Variants in NEK5 observed in about 807,000 individuals in gnomAD.
NEK5 encodes NIMA related kinase 5.
A neutral mutation model predicts 109.2 loss-of-function variants in NEK5; 88 were observed. The ratio of observed to expected loss-of-function variants is 0.81; its 90% confidence interval spans 0.68 to 0.96. The LOEUF (loss-of-function observed/expected upper bound fraction) is 0.96. Among genes scored for constraint, NEK5 ranks in the 40% least tolerant of loss-of-function variants. NEK5 has a pLI of 0.00. For synonymous variants in NEK5, 283 were observed against 299.9 expected (o/e 0.94, Z 0.58); for missense variants, 834 against 920.7 (o/e 0.91, Z 1.22).
intron 23 of NEK5, among the ~76,000 whole-genome samples, chr13:52,046,470 T>A: frequency 1.4e-5 from 2 of 139,172 alleles, no homozygotes; most frequent in African/African-American, 2.7e-5. Flanking sequence ...CAAAGTAAGA[T>A]CCTGTATGTT....
intron 11 of NEK5, among the ~76,000 whole-genome samples, chr13:52,101,163 C>A (rs1024557637): frequency 1.3e-5 from 2 of 152,200 alleles, no homozygotes; most frequent in African/African-American, 4.8e-5. Context: ...CTTTGGGAGG[C>A]AGAGGCGGGC....
chr13:52,125,255 C>G (rs933159359), intron 3 of NEK5, among the ~76,000 whole-genome samples: 4 of 152,162 alleles, frequency 2.6e-5, no homozygotes, highest in African/African-American at 9.7e-5. Context: ...ATATGCTACA[C>G]AGCAATAGAT....
intron 21 of NEK5, 167 bp downstream of exon 21, chr13:52,065,317 A>C: frequency 1.1e-6 from 1 of 933,482 alleles, no homozygotes; most frequent in Non-Finnish European, 1.8e-6. Context: ...ATTAGCAGGC[A>C]AGTCTCTTTA....
At chr13:52,079,903 T>C (rs1233826072) in intron 17 of NEK5, among the ~76,000 whole-genome samples, 2 of 146,354 alleles carry the variant, frequency 1.4e-5, no homozygotes, top group African/African-American at 2.6e-5. Context: ...GGAGCGCCTT[T>C]GCCCCGCCGC....
chr13:52,085,750 G>C (rs1048401873), intron 16 of NEK5, among the ~76,000 whole-genome samples: 1 of 152,218 alleles, frequency 6.6e-6, no homozygotes, highest in East Asian at 1.9e-4. Flanking sequence ...CAACTCTAGA[G>C]ACCTTCTTGG....
chr13:52,125,255 C>T (rs933159359), intron 3 of NEK5, among the ~76,000 whole-genome samples: 1 of 152,162 alleles, frequency 6.6e-6, no homozygotes, highest in African/African-American at 2.4e-5. Flanking sequence ...ATATGCTACA[C>T]AGCAATAGAT....
At chr13:52,068,851 T>C (rs913395098) in intron 20 of NEK5, among the ~76,000 whole-genome samples, 7 of 151,968 alleles carry the variant, frequency 4.6e-5, no homozygotes, top group African/African-American at 1.7e-4. Flanking sequence ...CGCGCACCTA[T>C]GCCAGCTACT....
chr13:52,082,867 G>T (rs987828750), intron 17 of NEK5, among the ~76,000 whole-genome samples: 66 of 152,364 alleles, frequency 4.3e-4, no homozygotes, highest in Non-Finnish European at 1.5e-4. Context: ...AAAAGTTCTG[G>T]TAAAAAGGCG....
chr13:52,118,034 C>T (rs900357642), intron 4 of NEK5, among the ~76,000 whole-genome samples: 14 of 152,124 alleles, frequency 9.2e-5, no homozygotes, highest in Non-Finnish European at 1.5e-4. Context: ...CCAGGAAGAC[C>T]TCAGAAGAGT....
At chr13:52,125,061 C>A (rs1956038064) in intron 3 of NEK5, among the ~76,000 whole-genome samples, 1 of 152,196 alleles carries the variant, frequency 6.6e-6, no homozygotes, top group South Asian at 2.1e-4. Context: ...TAATACAGCG[C>A]AGCACATAGG....
At chr13:52,128,625 A>G (rs946705020) in intron 1 of NEK5, among the ~76,000 whole-genome samples, 4 of 152,102 alleles carry the variant, frequency 2.6e-5, no homozygotes, top group Non-Finnish European at 5.9e-5. Flanking sequence ...CAGCCAGGAG[A>G]GGCTGCAGAC....
intron 17 of NEK5, among the ~76,000 whole-genome samples, chr13:52,076,433 C>T (rs925568186): frequency 6.6e-6 from 1 of 152,120 alleles, no homozygotes; most frequent in African/African-American, 2.4e-5. Flanking sequence ...GGATCTTTCC[C>T]TTAAGAGGCT....
At chr13:52,068,456 A>G (rs1954725673) in intron 20 of NEK5, among the ~76,000 whole-genome samples, 1 of 108,292 alleles carries the variant, frequency 9.2e-6, no homozygotes, top group Admixed American at 1.2e-4. Context: ...TAAGTGGATG[A>G]ATACACAAAT....
In NEK5 at chr13:52,116,564, C is replaced by G. The variant is rs570083148; in HGVS notation, c.214+2755G>C. Among the ~76,000 whole-genome samples, 16 of 152,280 alleles carry G rather than the reference C, an allele frequency of 1.1e-4. 1 individual carries two copies. The South Asian group carries it at 2.9e-3, about 28-fold the overall frequency. ...AGGACCATGAGCCACAGATAACAGT[C>G]CCAGCTGACACCTTGATTTCAACTA... On this transcript the variant is annotated intron_variant, in intron 4 of 23. Transcript: ENST00000684899.
chr13:52,109,472 C>T (rs1425730015), intron 7 of NEK5, among the ~76,000 whole-genome samples: 3 of 152,080 alleles, frequency 2.0e-5, no homozygotes, highest in African/African-American at 7.2e-5. Context: ...GTTTCTTTGT[C>T]CATATCTTGA....
chr13:52,063,530 G>A (rs1430838310), intron 21 of NEK5, among the ~76,000 whole-genome samples: 20 of 151,148 alleles, frequency 1.3e-4, no homozygotes, highest in Admixed American at 1.3e-4. Flanking sequence ...CTGCCCGGCC[G>A]CCCATCGTCT....
chr13:52,087,340 G>C lies in NEK5; in HGVS notation c.1390C>G (p.Gln464Glu), dbSNP rs370986998. 1.2e-3 allele frequency: 1,786 copies of C among 1,485,958 alleles called. 37 individuals are homozygous for C. In the South Asian group the frequency reaches 0.019, roughly 16 times the overall value. The allele number at this position is 1,485,958 out of a possible 1,614,324, so 92.0% of individuals were successfully genotyped here. The part of the protein sequence containing the change: ...LPFRKNEMKE[Q>E]EYWKQLEEIR... Reference sequence around the variant, plus strand: ...CCTGGAATTAAACAGTTTTTAACCTGTTCCTTCATTTCGTTTTTCCTAAAT... The same window carrying C: ...CCTGGAATTAAACAGTTTTTAACCTCTTCCTTCATTTCGTTTTTCCTAAAT... The change falls in exon 15 of 24, where the codon CAG (glutamine) becomes GAG (glutamate). Residue 464 changes from glutamine (Q) to glutamate (E), a missense_variant and splice_region_variant. Physicochemically the swap from Gln to Glu is conservative, Grantham distance 29 (BLOSUM62 2). Transcript: ENST00000684899.
At chr13:52,085,912 C>T (rs182221611) in intron 16 of NEK5, among the ~76,000 whole-genome samples, 1 of 152,272 alleles carries the variant, frequency 6.6e-6, no homozygotes, top group African/African-American at 2.4e-5. Flanking sequence ...TTTTTTCCCA[C>T]CTTCTGGGCA....
intron 20 of NEK5, among the ~76,000 whole-genome samples, chr13:52,067,291 T>C (rs770386583): frequency 2.6e-5 from 4 of 151,820 alleles, no homozygotes; most frequent in African/African-American, 9.7e-5. Flanking sequence ...AATCCACATA[T>C]TGAGGGAGGA....
Sources: allele counts gnomAD v4.1 joint callset (sites outside exome capture counted in the v4.1 genomes callset), GRCh38; gene constraint gnomAD v4.1.1; transcripts MANE v1.5; gene names NCBI Gene and HGNC (gene_info 2026-07-23, HGNC 2026-07-21).